Variants in CSMD1 observed in about 807,000 individuals in gnomAD.
The protein encoded by CSMD1 is CUB and sushi domain-containing protein 1.
A neutral mutation model predicts 417.5 loss-of-function variants in CSMD1; 213 were observed. The observed-to-expected ratio is 0.51, with a 90% CI of 0.46 to 0.57. The LOEUF (loss-of-function observed/expected upper bound fraction) is 0.57. Ranked by LOEUF, CSMD1 falls within the 20% of genes least tolerant of loss-of-function variation. The probability of loss-of-function intolerance (pLI) is 0.00; values close to 1 mark genes in which losing one functional copy is unlikely to be tolerated. For synonymous variants in CSMD1, 2,862 were observed against 1,736.8 expected (o/e 1.65, Z -16.11); for missense variants, 6,923 against 4,529.7 (o/e 1.53, Z -15.17).
intron 26 of CSMD1, among the ~76,000 whole-genome samples, chr8:3,241,346 A>T (rs898830969): frequency 1.3e-5 from 2 of 151,860 alleles, no homozygotes; most frequent in Non-Finnish European, 2.9e-5. Flanking sequence ...CCTTGAAAAG[A>T]AGGTAATGTG....
At chr8:3,462,564 C>A (rs1383102978) in intron 12 of CSMD1, among the ~76,000 whole-genome samples, 1 of 152,180 alleles carries the variant, frequency 6.6e-6, no homozygotes, top group Non-Finnish European at 1.5e-5. Context: ...TCACTGTCTC[C>A]CATCACCCAG....
At chr8:3,072,260 C>A (rs1000850303) in intron 49 of CSMD1, among the ~76,000 whole-genome samples, 15 of 152,166 alleles carry the variant, frequency 9.9e-5, no homozygotes, top group African/African-American at 3.6e-4. Context: ...TAATGATTTT[C>A]TCTATTAAGC....
intron 5 of CSMD1, among the ~76,000 whole-genome samples, chr8:3,790,116 A>C (rs888139392): frequency 6.6e-6 from 1 of 152,248 alleles, no homozygotes; most frequent in Non-Finnish European, 1.5e-5. Context: ...TTAGCTGCTT[A>C]TAGTTATTTT....
Position 4,636,643 on chromosome 8 carries a change from C to T in CSMD1, c.302+699G>A, listed in dbSNP as rs555541251. 2.6e-5 allele frequency among the ~76,000 whole-genome samples: 4 copies of T among 152,334 alleles called. No individual in the cohort carries two copies. In the South Asian group the frequency reaches 8.3e-4, roughly 32 times the overall value. On this transcript the variant is annotated intron_variant, in intron 2 of 69. Coordinates refer to ENST00000635120, the MANE Select transcript of CSMD1 (RefSeq NM_033225.6). ...TTTTATTTAAATTACCTTGACAACT[C>T]TGTTTCACAGATCTTGAACAATATA...
At chr8:4,057,046 T>C (rs1224513572) in intron 3 of CSMD1, among the ~76,000 whole-genome samples, 1 of 152,220 alleles carries the variant, frequency 6.6e-6, no homozygotes, top group Non-Finnish European at 1.5e-5. Flanking sequence ...TTTGGGTATG[T>C]ACCCAGTAAT....
At chr8:3,829,662 C>T (rs1585057469) in intron 5 of CSMD1, among the ~76,000 whole-genome samples, 7 of 152,252 alleles carry the variant, frequency 4.6e-5, no homozygotes, top group Admixed American at 4.6e-4. Flanking sequence ...TTCTATGATG[C>T]AAATGTCCTC....
At chr8:3,925,261 A>G (rs1809568311) in intron 5 of CSMD1, among the ~76,000 whole-genome samples, 2 of 152,230 alleles carry the variant, frequency 1.3e-5, no homozygotes, top group South Asian at 4.1e-4. Context: ...CATTTGGGGA[A>G]TGTGCTTCAG....
At position 4,770,181 on chromosome 8, in the gene CSMD1, T is replaced by G. The variant is rs372494267; in HGVS notation, c.86-132623A>C. On this transcript the variant is annotated intron_variant, in intron 1 of 69. Transcript: ENST00000635120. ...TCAATACATATTCCTATATATAAAT[T>G]TTTATATTCCTATATACTTATAAAT... Among the ~76,000 whole-genome samples the G allele has an allele frequency of 3.3e-5, 5 of 149,940 alleles. No individual in the cohort carries two copies. The East Asian group carries it at 7.8e-4, about 23-fold the overall frequency.
intron 40 of CSMD1, chr8:3,151,129 G>T (rs1585488070): frequency 6.8e-6 from 2 of 294,744 alleles, no homozygotes; most frequent in East Asian, 6.0e-5. Context: ...TTGAATTAGG[G>T]ATGCTATATT....
At chr8:4,927,521 C>T (rs73189636) in intron 1 of CSMD1, among the ~76,000 whole-genome samples, 9,171 of 152,056 alleles carry the variant, frequency 0.06, 383 homozygotes, top group Non-Finnish European at 0.078. Flanking sequence ...CCTTTTTTTC[C>T]GAGAGCAAGT....
intron 3 of CSMD1, among the ~76,000 whole-genome samples, chr8:4,372,044 G>A (rs545192894): frequency 6.6e-6 from 1 of 151,844 alleles, no homozygotes; most frequent in Non-Finnish European, 1.5e-5. Context: ...TCATGGCAAG[G>A]TCTGGGGTGA....
intron 1 of CSMD1, among the ~76,000 whole-genome samples, chr8:4,973,619 T>C (rs973722046): frequency 1.3e-5 from 2 of 152,200 alleles, no homozygotes; most frequent in Non-Finnish European, 2.9e-5. Context: ...ATTTCGTATC[T>C]CTACAAATCT....
chr8:2,974,464 C>A lies in CSMD1; in HGVS notation c.8727G>T (p.Leu2909=), dbSNP rs77697616. Residue 2909 remains leucine (L), a synonymous_variant, in exon 56 of 70, where the codon CTG becomes CTT. Transcript: ENST00000635120. ...CQEDSHWSGA[L]PHCTGNNPGF... ...TAAGCCCCTCACCTGTGCAGTGGGG[C>A]AGTGCCCCGCTCCAGTGACTGTCTT... The A allele has an allele frequency of 1.7e-3, 2,665 of 1,607,580 alleles. 38 individuals are homozygous for A. In the African/African-American group the frequency reaches 0.03, roughly 18 times the overall value.
intron 26 of CSMD1, among the ~76,000 whole-genome samples, chr8:3,271,427 C>T (rs1801846623): frequency 1.3e-5 from 2 of 151,402 alleles, no homozygotes; most frequent in African/African-American, 2.4e-5. Flanking sequence ...GATTTATATT[C>T]CTTTGGGTAT....
At chr8:3,835,157 T>C (rs1780980674) in intron 5 of CSMD1, among the ~76,000 whole-genome samples, 2 of 147,560 alleles carry the variant, frequency 1.4e-5, no homozygotes, top group African/African-American at 2.6e-5. Context: ...GAAGTCAGTG[T>C]GGCGATTCCT....
Position 4,912,122 on chromosome 8 carries a change from C to CAAAA in CSMD1, c.85+82206_85+82209dup, listed in dbSNP as rs36194482. 8.0e-3 allele frequency among the ~76,000 whole-genome samples: 673 copies of CAAAA among 84,546 alleles called. 13 individuals are homozygous for CAAAA. The highest frequency in any genetic ancestry group is 0.026 in the African/African-American group (640 of 25,038). 55.5% of individuals were successfully genotyped at this position (84,546 alleles called of 152,430 possible). A position where few individuals can be genotyped will look rare whatever the true frequency, so the allele number is the denominator to read the frequency against. ...ACTTTTCTAGTGCTCAACATAGCTT[C>CAAAA]AAAAAAAAAAAAAAAAAAAGAAAGA... is the stretch of plus-strand genomic sequence containing the variant. On this transcript the variant is annotated intron_variant, in intron 1 of 69. Transcript: ENST00000635120.
chr8:2,996,380 C>T (rs545226911), intron 54 of CSMD1, among the ~76,000 whole-genome samples: 1 of 152,306 alleles, frequency 6.6e-6, no homozygotes, highest in African/African-American at 2.4e-5. Context: ...TAATCACCCA[C>T]AAGACCTCCA....
chr8:3,353,304 C>T (rs539652146), intron 21 of CSMD1, among the ~76,000 whole-genome samples: 93 of 152,236 alleles, frequency 6.1e-4, no homozygotes, highest in African/African-American at 2.2e-3. Context: ...GACTTAATTC[C>T]GTTTTCAAAT....
At chr8:4,717,431 C>A (rs955828331) in intron 1 of CSMD1, among the ~76,000 whole-genome samples, 1 of 150,664 alleles carries the variant, frequency 6.6e-6, no homozygotes, top group African/African-American at 2.5e-5. Context: ...TATATATACA[C>A]ATACACTATA....
Sources: allele counts gnomAD v4.1 joint callset (sites outside exome capture counted in the v4.1 genomes callset), GRCh38; gene constraint gnomAD v4.1.1; transcripts MANE v1.5; gene names NCBI Gene and HGNC (gene_info 2026-07-23, HGNC 2026-07-21).